FKTN: variants seen among roughly 807,000 people sequenced by gnomAD.
FKTN encodes ribitol-5-phosphate transferase FKTN.
In FKTN, 47 loss-of-function variants were observed where a neutral mutation model predicts 58.6. The ratio of observed to expected loss-of-function variants is 0.80; its 90% CI spans 0.63 to 1.02. The LOEUF (loss-of-function observed/expected upper bound fraction) is 1.02. Among genes scored for constraint, FKTN ranks in the 50% least tolerant of loss-of-function variants. The pLI, the probability that FKTN is intolerant of heterozygous loss-of-function variation, is 0.00. For missense variants in FKTN, 516 were observed against 537.3 expected (o/e 0.96, Z 0.39); for synonymous variants, 178 against 191.9 (o/e 0.93, Z 0.60).
chr9:105,602,735 T>C (rs1331050884), intron 5 of FKTN, among the ~76,000 whole-genome samples: 1 of 152,080 alleles, frequency 6.6e-6, no homozygotes, highest in Non-Finnish European at 1.5e-5. Context: ...TTTGTATTTT[T>C]TTTTAGTAGG....
intron 10 of FKTN, among the ~76,000 whole-genome samples, chr9:105,629,198 CA>C (rs1248862717): frequency 6.6e-6 from 1 of 151,206 alleles, no homozygotes; most frequent in Non-Finnish European, 1.5e-5. Context: ...CCCATGTCTA[CA>C]AAAAAATAAA....
At chr9:105,574,905 G>C in intron 2 of FKTN, 40 bp from the exon 3 acceptor site, 1 of 681,704 alleles carries the variant, frequency 1.5e-6, no homozygotes, top group Non-Finnish European at 2.7e-6. Context: ...CAAAATTAAA[G>C]AGGTTTTTGT....
chr9:105,614,849 T>A (rs1012425800), intron 7 of FKTN, among the ~76,000 whole-genome samples: 1 of 151,950 alleles, frequency 6.6e-6, no homozygotes, highest in Non-Finnish European at 1.5e-5. Flanking sequence ...AAAAAGATTA[T>A]ATGGGGTTAG....
chr9:105,591,983 G>T (rs768938414), intron 3 of FKTN, among the ~76,000 whole-genome samples: 8 of 152,370 alleles, frequency 5.3e-5, no homozygotes, highest in Non-Finnish European at 1.2e-4. Context: ...CAGCTGGAAT[G>T]CAGGGAGCAG....
intron 10 of FKTN, among the ~76,000 whole-genome samples, chr9:105,633,812 AC>A (rs1331128961): frequency 1.3e-5 from 2 of 152,134 alleles, no homozygotes; most frequent in African/African-American, 4.8e-5. Flanking sequence ...ATGAGAACTG[AC>A]CTTTTCTTGG....
In FKTN at chr9:105,638,561, C is replaced by G; in HGVS notation, c.*3297C>G. The G allele has an allele frequency of 1.0e-6, 1 of 985,380 alleles. No individual in the cohort carries two copies. Among genetic ancestry groups the G allele is most frequent in the African/African-American group, 1.7e-5 (1 of 57,338 alleles). The allele number at this position is 985,380 out of a possible 1,614,324, so 61.0% of individuals were successfully genotyped here. Reference sequence around the variant, plus strand: ...TGCTAAATGCCTGTATTTGAAGTCTCTCCCCTTCCTGAAGTGACCTTTTAT... The same window carrying G: ...TGCTAAATGCCTGTATTTGAAGTCTGTCCCCTTCCTGAAGTGACCTTTTAT... On this transcript the variant is annotated 3_prime_UTR_variant, in exon 11 of 11. Transcript: ENST00000357998.
Position 105,635,726 on chromosome 9 carries a change from T to A in FKTN, c.*462T>A. The A allele has an allele frequency of 9.8e-7, 1 of 1,024,760 alleles. No homozygotes were observed. The highest frequency in any genetic ancestry group is 1.2e-6 in the Non-Finnish European group (1 of 852,994). 63.5% of individuals were successfully genotyped at this position (1,024,760 alleles called of 1,614,324 possible). On this transcript the variant is annotated 3_prime_UTR_variant, in exon 11 of 11. Transcript: ENST00000357998. ...TGGTATGTTAGTGCTACTTTTAAGATTGTGGAGTCTGAGTTAATATTCAAG... is the reference window on the plus strand; with the variant it reads ...TGGTATGTTAGTGCTACTTTTAAGAATGTGGAGTCTGAGTTAATATTCAAG...
chr9:105,567,735 C>T (rs1275276447), intron 1 of FKTN, among the ~76,000 whole-genome samples: 2 of 152,180 alleles, frequency 1.3e-5, no homozygotes, highest in Admixed American at 6.5e-5. Context: ...TTTATAGATT[C>T]AGTGCCATCC....
At chr9:105,571,280 T>G (rs1357345176) in intron 1 of FKTN, among the ~76,000 whole-genome samples, 1 of 152,138 alleles carries the variant, frequency 6.6e-6, no homozygotes, top group Admixed American at 6.5e-5. Context: ...AAAGGTAAAA[T>G]CAACATACTA....
At chr9:105,588,373 C>T (rs1056011505) in intron 3 of FKTN, among the ~76,000 whole-genome samples, 1 of 152,028 alleles carries the variant, frequency 6.6e-6, no homozygotes, top group African/African-American at 2.4e-5. Flanking sequence ...TTTTTTTAAC[C>T]AGTTGACTTT....
Position 105,636,024 on chromosome 9 carries a change from A to C in FKTN, c.*760A>C, listed in dbSNP as rs532531159. On this transcript the variant is annotated 3_prime_UTR_variant, in exon 11 of 11. Transcript: ENST00000357998. Reference sequence around the variant, plus strand: ...CTGACCTCTGATGGCACTTGTTGACAAATCATTCAAGTGAGACCATGTTAC... The same window carrying C: ...CTGACCTCTGATGGCACTTGTTGACCAATCATTCAAGTGAGACCATGTTAC... 1.1e-4 allele frequency: 110 copies of C among 985,496 alleles called. No homozygotes were observed. In the South Asian group the frequency reaches 4.2e-3, roughly 38 times the overall value. 61.0% of individuals were successfully genotyped at this position (985,496 alleles called of 1,614,324 possible).
chr9:105,630,389 A>G (rs969576331), intron 10 of FKTN, among the ~76,000 whole-genome samples: 9 of 152,196 alleles, frequency 5.9e-5, no homozygotes, highest in Admixed American at 3.9e-4. Flanking sequence ...AGATCTAGAT[A>G]ACCTATATTC....
intron 4 of FKTN, among the ~76,000 whole-genome samples, chr9:105,597,348 C>G (rs1383183361): frequency 6.6e-6 from 1 of 152,112 alleles, no homozygotes; most frequent in Non-Finnish European, 1.5e-5. Context: ...AAGCAGTGGT[C>G]ATTTTAGATC....
At chr9:105,615,181 G>C in intron 7 of FKTN, 97 bp from the exon 8 acceptor site, 1 of 1,354,706 alleles carries the variant, frequency 7.4e-7, no homozygotes, top group East Asian at 2.3e-5. Context: ...ACTGTGCCCA[G>C]CCTGGGGTTA....
intron 10 of FKTN, 36 bp from the exon 11 acceptor site, chr9:105,635,015 C>A: frequency 1.3e-6 from 2 of 1,573,012 alleles, no homozygotes; most frequent in Non-Finnish European, 1.8e-6. Flanking sequence ...AGACCTTCTT[C>A]CACTGTTGAA....
At position 105,639,642 on chromosome 9, in the gene FKTN, GAA is replaced by G. The variant is rs148253503; in HGVS notation, c.*4387_*4388del. On this transcript the variant is annotated 3_prime_UTR_variant, in exon 11 of 11. Transcript: ENST00000357998. ...AGATTGCATGACTGAATTTGCTTAA[GAA>G]AAAAAAAATTGTATCAAGTCATTAA... 3.3e-6 allele frequency: 3 copies of G among 912,064 alleles called. No homozygotes were observed. The highest frequency in any genetic ancestry group is 3.9e-6 in the Non-Finnish European group (3 of 765,610). The allele number at this position is 912,064 out of a possible 1,614,324, so 56.5% of individuals were successfully genotyped here. A position where few individuals can be genotyped will look rare whatever the true frequency, so the allele number is the denominator to read the frequency against.
intron 1 of FKTN, among the ~76,000 whole-genome samples, chr9:105,561,636 C>T (rs749653247): frequency 2.0e-5 from 3 of 152,278 alleles, no homozygotes; most frequent in Admixed American, 6.5e-5. Flanking sequence ...TTTTCTGGAG[C>T]ATCTACTGGA....
intron 7 of FKTN, among the ~76,000 whole-genome samples, chr9:105,610,649 C>A (rs1829751029): frequency 6.6e-6 from 1 of 151,906 alleles, no homozygotes; most frequent in Admixed American, 6.6e-5. Context: ...TGACTTCCCA[C>A]ACCTGGCTGC....
intron 3 of FKTN, among the ~76,000 whole-genome samples, chr9:105,581,651 C>G (rs1842935367): frequency 6.6e-6 from 1 of 152,202 alleles, no homozygotes; most frequent in Admixed American, 6.5e-5. Context: ...AGAGGTGGAG[C>G]CTACAGAGGC....
Sources: gnomAD v4.1 joint callset for allele counts (sites outside exome capture counted in the v4.1 genomes callset) on GRCh38, gnomAD v4.1.1 for gene constraint, MANE v1.5 for transcripts, NCBI Gene and HGNC (gene_info 2026-07-23, HGNC 2026-07-21) for gene names.